Variants in CA10 observed in about 807,000 individuals in gnomAD.
The protein encoded by CA10 is carbonic anhydrase-related protein 10.
Under a neutral mutation model 44.2 loss-of-function variants are expected in CA10, and 14 were observed. The ratio of observed to expected loss-of-function variants is 0.32; its 90% confidence interval spans 0.21 to 0.50. CA10 has a LOEUF of 0.50. CA10 is among the 20% of genes least tolerant of loss of function. CA10 has a pLI of 0.99. For synonymous variants in CA10, 159 were observed against 141.6 expected, an observed-to-expected ratio of 1.12 and a Z score of -0.87; for missense variants, 350 against 409.7, an observed-to-expected ratio of 0.85 and a Z score of 1.26.
Position 52,105,430 on chromosome 17 carries a change from AT to A in CA10, c.62-33038del, listed in dbSNP as rs748868635. Among the ~76,000 whole-genome samples, 33 of 151,832 alleles carry A rather than the reference AT, an allele frequency of 2.2e-4. 1 individual carries two copies. The highest frequency in any genetic ancestry group is 4.1e-4 in the Non-Finnish European group (28 of 67,918). On this transcript the variant is annotated intron_variant, in intron 1 of 8. Transcript: ENST00000451037. ...CCACCACACCCGGCTAATTTTTTGTATTTTTTAGTAGAGAGGGGGTTTCACC... is the reference window on the plus strand; with the variant it reads ...CCACCACACCCGGCTAATTTTTTGTATTTTTAGTAGAGAGGGGGTTTCACC...
intron 4 of CA10, among the ~76,000 whole-genome samples, chr17:51,688,211 C>T (rs989384517): frequency 2.0e-5 from 3 of 152,188 alleles, no homozygotes; most frequent in African/African-American, 7.2e-5. Flanking sequence ...CCAGTCAAGC[C>T]TTCAGATGAC....
chr17:52,011,959 G>A (rs1050622300), intron 2 of CA10, among the ~76,000 whole-genome samples: 5 of 152,004 alleles, frequency 3.3e-5, no homozygotes, highest in Non-Finnish European at 5.9e-5. Context: ...TGGCAGAATA[G>A]TCTGTGAAGC....
At chr17:51,692,386 T>C (rs1401922530) in intron 4 of CA10, among the ~76,000 whole-genome samples, 1 of 124,800 alleles carries the variant, frequency 8.0e-6, no homozygotes, top group Non-Finnish European at 1.8e-5. Flanking sequence ...TATCTATCTA[T>C]CTATCTATCT....
chr17:51,927,942 A>G (rs766958617), intron 3 of CA10, among the ~76,000 whole-genome samples: 1 of 152,178 alleles, frequency 6.6e-6, no homozygotes, highest in Non-Finnish European at 1.5e-5. Flanking sequence ...GTTAAATTTA[A>G]CAGGGTCAAA....
Position 52,132,947 on chromosome 17 carries a change from G to T in CA10, c.61+24779C>A, listed in dbSNP as rs552543344. On this transcript the variant is annotated intron_variant, in intron 1 of 8. Transcript: ENST00000451037. ...GCCTAATATATGGGGTGGAATTACA[G>T]GGCTTAAATCAGTGCTACCTCTTCT... Among the ~76,000 whole-genome samples, 6 of 152,266 alleles carry T rather than the reference G, an allele frequency of 3.9e-5. No individual in the cohort carries two copies. The South Asian group carries it at 1.2e-3, about 32-fold the overall frequency.
intron 4 of CA10, among the ~76,000 whole-genome samples, chr17:51,715,370 TA>T (rs1258708660): frequency 1.3e-5 from 2 of 151,522 alleles, no homozygotes; most frequent in South Asian, 2.1e-4. Flanking sequence ...TAATAAAATT[TA>T]AAAAAAACCA....
chr17:51,874,001 G>A (rs1979935157), intron 3 of CA10, among the ~76,000 whole-genome samples: 1 of 152,154 alleles, frequency 6.6e-6, no homozygotes, highest in East Asian at 1.9e-4. Context: ...TAATAAATCT[G>A]AGTTCCTTTT....
chr17:52,082,483 C>T (rs777914484), intron 1 of CA10, among the ~76,000 whole-genome samples: 3 of 152,048 alleles, frequency 2.0e-5, no homozygotes, highest in Non-Finnish European at 4.4e-5. Context: ...CCATAATTTA[C>T]CAATTATTCC....
At chr17:51,856,944 G>T (rs79913477) in intron 3 of CA10, among the ~76,000 whole-genome samples, 3,711 of 152,258 alleles carry the variant, frequency 0.024, 60 homozygotes, top group Middle Eastern at 0.048. Context: ...CAGAGTGAAC[G>T]GTGGCTGAAT....
Position 52,157,529 on chromosome 17 carries a change from A to ACCCCCC in CA10, c.61+191_61+196dup. Among the ~76,000 whole-genome samples, 338 of 110,312 alleles carry ACCCCCC rather than the reference A, an allele frequency of 3.1e-3. 3 individuals are homozygous for ACCCCCC. Among genetic ancestry groups the ACCCCCC allele is most frequent in the African/African-American group, 7.4e-3 (198 of 26,624 alleles). 72.4% of individuals were successfully genotyped at this position (110,312 alleles called of 152,430 possible). ...CTAGGACTGCACACAGATCCTAACC[A>ACCCCCC]CCCCCCCCCGCAAAACACACACATT... On this transcript the variant is annotated intron_variant, in intron 1 of 8. Coordinates refer to ENST00000451037, the MANE Select transcript of CA10 (RefSeq NM_020178.5).
chr17:51,699,981 T>C (rs1915535059), intron 4 of CA10, among the ~76,000 whole-genome samples: 2 of 151,780 alleles, frequency 1.3e-5, no homozygotes. Context: ...AACATCCCCA[T>C]GGGGTAGACA....
intron 2 of CA10, among the ~76,000 whole-genome samples, chr17:52,020,318 G>A (rs1302254733): frequency 6.6e-6 from 1 of 151,778 alleles, no homozygotes; most frequent in African/African-American, 2.4e-5. Context: ...TTGTTTTGGG[G>A]GGGTGGTATT....
chr17:52,116,464 G>A (rs534169915), intron 1 of CA10, among the ~76,000 whole-genome samples: 11 of 152,246 alleles, frequency 7.2e-5, no homozygotes, highest in African/African-American at 2.6e-4. Context: ...GAGTTCATGG[G>A]TAAGAGCAGA....
intron 4 of CA10, among the ~76,000 whole-genome samples, chr17:51,736,469 G>A (rs1330427473): frequency 1.3e-5 from 2 of 152,208 alleles, no homozygotes; most frequent in East Asian, 1.9e-4. Context: ...GTGCCAGGAT[G>A]CTAAGTCCTG....
chr17:51,749,515 G>A (rs1904821228), intron 3 of CA10, among the ~76,000 whole-genome samples: 2 of 152,224 alleles, frequency 1.3e-5, no homozygotes, highest in South Asian at 4.1e-4. Context: ...GCCCAGCTGA[G>A]ATCAGCTTAG....
intron 1 of CA10, among the ~76,000 whole-genome samples, chr17:52,086,435 G>A (rs55718191): frequency 0.069 from 10,459 of 152,212 alleles, 397 homozygotes; most frequent in South Asian, 0.12. Context: ...GGAAAAAAGC[G>A]TGGAGGATTT....
intron 3 of CA10, among the ~76,000 whole-genome samples, chr17:51,772,355 A>G (rs1385834879): frequency 1.3e-5 from 2 of 152,242 alleles, no homozygotes; most frequent in Non-Finnish European, 2.9e-5. Context: ...AATGCAAATG[A>G]GTATATGCAC....
intron 2 of CA10, among the ~76,000 whole-genome samples, chr17:51,968,689 A>G (rs1351754366): frequency 1.3e-5 from 2 of 151,918 alleles, no homozygotes; most frequent in African/African-American, 4.8e-5. Context: ...ATACACCACA[A>G]AAGAGTGAAT....
chr17:51,634,885 G>A (rs1912755229), intron 7 of CA10, among the ~76,000 whole-genome samples: 2 of 152,148 alleles, frequency 1.3e-5, no homozygotes, highest in Admixed American at 6.5e-5. Context: ...TCTGAACACT[G>A]TAGTTGTAGA....
Sources: gnomAD v4.1 joint callset for allele counts (sites outside exome capture counted in the v4.1 genomes callset) on GRCh38, gnomAD v4.1.1 for gene constraint, MANE v1.5 for transcripts, NCBI Gene and HGNC (gene_info 2026-07-23, HGNC 2026-07-21) for gene names.